The following ZFAND2A variants were observed in gnomAD, a reference collection of about 807,000 sequenced individuals.
The protein encoded by ZFAND2A is zinc finger AN1-type containing 2A.
ZFAND2A carries 20 observed loss-of-function variants against 11.6 expected under a neutral mutation model. That is an observed-to-expected ratio of 1.72 (90% CI 1.21 to 2.50). ZFAND2A has a LOEUF of 2.50. ZFAND2A is among the 30% of genes most tolerant of loss of function. The pLI is 0.00. For missense variants in ZFAND2A, 234 were observed against 182.9 expected, an observed-to-expected ratio of 1.28 and a Z score of -1.61; for synonymous variants, 93 against 60.6, an observed-to-expected ratio of 1.54 and a Z score of -2.48.
rs1321412290 is a variant in ZFAND2A at position 1,160,144 on chromosome 7, C to G, written c.-226G>C. The G allele has an allele frequency of 6.6e-6, 1 of 152,554 alleles. No individual in the cohort carries two copies. The highest frequency in any genetic ancestry group is 1.5e-5 in the Non-Finnish European group (1 of 68,148). The allele number at this position is 152,554 out of a possible 1,614,324, so 9.5% of individuals were successfully genotyped here. ...CCGGAACGCAACATCTCGCTGCCCG[C>G]GGCCTACGGGGATTTATCCGCAGCC... On this transcript the variant is annotated 5_prime_UTR_variant, in exon 1 of 5. Coordinates refer to ENST00000316495, the MANE Select transcript of ZFAND2A (RefSeq NM_182491.4).
downstream of ZFAND2A, among the ~76,000 whole-genome samples, chr7:1,150,793 T>A (rs2128256692): frequency 1.3e-5 from 2 of 152,268 alleles, no homozygotes; most frequent in South Asian, 4.1e-4. Context: ...CAGAGCCATC[T>A]TCAACAGGTG....
chr7:1,155,365 G>A, intron 4 of ZFAND2A, 88 bp downstream of exon 4: 5 of 1,544,330 alleles, frequency 3.2e-6, no homozygotes, highest in Middle Eastern at 2.4e-4. Flanking sequence ...ATAAACTATT[G>A]GGAGTAATTT....
downstream of ZFAND2A, among the ~76,000 whole-genome samples, chr7:1,149,860 T>G (rs1236951831): frequency 3.7e-4 from 56 of 151,688 alleles, no homozygotes; most frequent in African/African-American, 1.3e-3. Flanking sequence ...TAAGTTTTTT[T>G]TTTTTTTTTT....
downstream of ZFAND2A, among the ~76,000 whole-genome samples, chr7:1,149,583 G>A (rs111693779): frequency 0.02 from 3,088 of 152,286 alleles, 45 homozygotes; most frequent in African/African-American, 0.029. Flanking sequence ...GATGTGCACG[G>A]CCAGGTGATT....
chr7:1,157,464 G>A, intron 3 of ZFAND2A, 192 bp downstream of exon 3: 1 of 485,072 alleles, frequency 2.1e-6, no homozygotes, highest in African/African-American at 2.0e-5. Flanking sequence ...AGAATGTCCT[G>A]TGAGGGCAGA....
At chr7:1,154,789 A>G (rs561472823) in intron 4 of ZFAND2A, among the ~76,000 whole-genome samples, 2 of 152,352 alleles carry the variant, frequency 1.3e-5, no homozygotes, top group South Asian at 4.1e-4. Context: ...ACCCATGACT[A>G]GGAACGGATT....
At chr7:1,156,781 T>C (rs1352819673) in intron 3 of ZFAND2A, among the ~76,000 whole-genome samples, 1 of 152,170 alleles carries the variant, frequency 6.6e-6, no homozygotes, top group Non-Finnish European at 1.5e-5. Context: ...TGCTTCCTCA[T>C]TTGGTCAAAT....
chr7:1,158,068 G>A, intron 2 of ZFAND2A, 90 bp downstream of exon 2: 1 of 1,306,032 alleles, frequency 7.7e-7, no homozygotes, highest in Non-Finnish European at 1.1e-6. Context: ...AGCCAGGAAG[G>A]CCAAGACACA....
At chr7:1,156,652 T>C (rs1165280180) in intron 3 of ZFAND2A, among the ~76,000 whole-genome samples, 2 of 151,936 alleles carry the variant, frequency 1.3e-5, no homozygotes, top group Admixed American at 6.6e-5. Flanking sequence ...AGGGCAGGAA[T>C]TGATGGAAAG....
intron 2 of ZFAND2A, among the ~76,000 whole-genome samples, 197 bp downstream of exon 2, chr7:1,157,961 C>A (rs1381993160): frequency 6.6e-6 from 1 of 152,194 alleles, no homozygotes; most frequent in Non-Finnish European, 1.5e-5. Flanking sequence ...CCTGGATCCA[C>A]CTGGCCCTGC....
chr7:1,158,040 C>T, intron 2 of ZFAND2A, 118 bp downstream of exon 2: 2 of 1,039,106 alleles, frequency 1.9e-6, no homozygotes, highest in Non-Finnish European at 2.9e-6. Context: ...TGCACCAGCA[C>T]AGTTCCCAAT....
Position 1,159,524 on chromosome 7 carries a change from CCCCCAACAGCCAGACCCCGGCAGGCCCGG to C in ZFAND2A, c.-46+411_-46+439del, listed in dbSNP as rs1584033087. Among the ~76,000 whole-genome samples the C allele has an allele frequency of 5.4e-5, 7 of 129,866 alleles. No homozygotes were observed. In the East Asian group the frequency reaches 1.2e-3, roughly 22 times the overall value. The allele number at this position is 129,866 out of a possible 152,430, so 85.2% of individuals were successfully genotyped here. A position where few individuals can be genotyped will look rare whatever the true frequency, so the allele number is the denominator to read the frequency against. ...GCCCGGTCCCCAGCAGACAGCCGGA[CCCCCAACAGCCAGACCCCGGCAGGCCCGG>C]TCCCCAGCAGACAGGCCGGACCCCC... On this transcript the variant is annotated intron_variant, in intron 1 of 4. Transcript: ENST00000316495.
downstream of ZFAND2A, chr7:1,152,417 T>A: frequency 6.9e-7 from 1 of 1,446,618 alleles, no homozygotes; most frequent in Non-Finnish European, 9.2e-7. Flanking sequence ...TTCCTGCAGG[T>A]AAGCAACTAC....
chr7:1,152,389 C>G, downstream of ZFAND2A: 1 of 1,482,296 alleles, frequency 6.7e-7, no homozygotes, highest in Non-Finnish European at 9.1e-7. Context: ...ATGTGCTGAC[C>G]GCAAGAACCC....
chr7:1,157,593 C>T, intron 3 of ZFAND2A, 63 bp downstream of exon 3: 2 of 1,478,654 alleles, frequency 1.4e-6, no homozygotes, highest in Non-Finnish European at 1.8e-6. Context: ...CCCTACCATA[C>T]CAGCAAGACA....
chr7:1,151,501 A>G (rs1314325141), downstream of ZFAND2A, among the ~76,000 whole-genome samples: 1 of 152,044 alleles, frequency 6.6e-6, no homozygotes, highest in African/African-American at 2.4e-5. Flanking sequence ...TTGCCCTCCC[A>G]AAGTGCTGAG....
At chr7:1,152,070 C>A, downstream of ZFAND2A, 1 of 709,298 alleles carries the variant, frequency 1.4e-6, no homozygotes, top group Non-Finnish European at 2.1e-6. Context: ...AAAGGTTGTG[C>A]TGGAGCGAGC....
intron 3 of ZFAND2A, 65 bp downstream of exon 3, chr7:1,157,591 T>C (rs1793559179): frequency 2.7e-6 from 4 of 1,461,988 alleles, no homozygotes; most frequent in Non-Finnish European, 3.7e-6. Flanking sequence ...GTCCCTACCA[T>C]ACCAGCAAGA....
At chr7:1,159,549 CCCGGTCCCCAGCAGACAGG>C (rs1562348779) in intron 1 of ZFAND2A, among the ~76,000 whole-genome samples, 1 of 96,964 alleles carries the variant, frequency 1.0e-5, no homozygotes, top group East Asian at 2.9e-4. Flanking sequence ...CCCCGGCAGG[CCCGGTCCCCAGCAGACAGG>C]CCGGACCCCC....
Sources: allele counts gnomAD v4.1 joint callset (sites outside exome capture counted in the v4.1 genomes callset), GRCh38; gene constraint gnomAD v4.1.1; transcripts MANE v1.5; gene names NCBI Gene and HGNC (gene_info 2026-07-23, HGNC 2026-07-21).